The following RAPGEF2 variants were observed in gnomAD, a reference collection of about 807,000 sequenced individuals.
RAPGEF2 encodes the protein Rap guanine nucleotide exchange factor 2, also known as PDZ domain containing guanine nucleotide exchange factor (GEF) 1.
In RAPGEF2, 54 loss-of-function variants were observed where a neutral mutation model predicts 186.7. That is an observed-to-expected ratio of 0.29 (90% CI 0.23 to 0.36). The LOEUF (loss-of-function observed/expected upper bound fraction) is 0.36. Ranked by LOEUF, RAPGEF2 falls within the 10% of genes least tolerant of loss-of-function variation. The pLI, the probability that RAPGEF2 is intolerant of heterozygous loss-of-function variation, is 1.00. For missense variants in RAPGEF2, 1,532 were observed against 2,045.0 expected, an observed-to-expected ratio of 0.75 and a Z score of 4.84; for synonymous variants, 712 against 705.9, an observed-to-expected ratio of 1.01 and a Z score of -0.14.
intron 3 of RAPGEF2, among the ~76,000 whole-genome samples, chr4:159,199,129 T>TA (rs1472479673): frequency 1.3e-5 from 2 of 151,668 alleles, no homozygotes; most frequent in Non-Finnish European, 2.9e-5. Context: ...TTTAAAGACT[T>TA]AGCCTTTGCA....
chr4:159,169,781 G>C (rs913481990), intron 1 of RAPGEF2, among the ~76,000 whole-genome samples: 1 of 152,028 alleles, frequency 6.6e-6, no homozygotes, highest in African/African-American at 2.4e-5. Flanking sequence ...CTAATATTCT[G>C]TTATACCTAT....
At chr4:159,202,578 C>T (rs1438670634) in intron 3 of RAPGEF2, among the ~76,000 whole-genome samples, 1 of 152,102 alleles carries the variant, frequency 6.6e-6, no homozygotes, top group Non-Finnish European at 1.5e-5. Flanking sequence ...CTTTTCTCTC[C>T]TTGTCAGTCC....
intron 4 of RAPGEF2, among the ~76,000 whole-genome samples, chr4:159,216,575 C>G (rs1411241325): frequency 2.6e-5 from 4 of 151,780 alleles, no homozygotes; most frequent in African/African-American, 9.7e-5. Flanking sequence ...ATCAATTTAT[C>G]TAGAATGCAA....
At chr4:159,345,082 C>G (rs925605193) in intron 23 of RAPGEF2, 24 bp from the exon 24 acceptor site, 8 of 1,577,888 alleles carry the variant, frequency 5.1e-6, no homozygotes, top group African/African-American at 1.3e-5. Context: ...GAGTGAGCTG[C>G]ATATGTACCT....
intron 17 of RAPGEF2, chr4:159,333,003 G>A (rs954818809): frequency 6.2e-6 from 1 of 160,418 alleles, no homozygotes; most frequent in African/African-American, 2.4e-5. Flanking sequence ...TTTTGAGAAA[G>A]AGTCTCACTC....
intron 4 of RAPGEF2, among the ~76,000 whole-genome samples, chr4:159,219,314 A>G (rs1447389030): frequency 1.2e-5 from 1 of 85,100 alleles, no homozygotes; most frequent in Non-Finnish European, 2.7e-5. Flanking sequence ...TGTAAAACCT[A>G]ATCACTACAA....
At position 159,359,131 on chromosome 4, in the gene RAPGEF2, G is replaced by A. The variant is rs914059166; in HGVS notation, c.*992G>A. The A allele has an allele frequency of 7.0e-6, 1 of 143,130 alleles. No homozygotes were observed. Among genetic ancestry groups the A allele is most frequent in the Non-Finnish European group, 1.5e-5 (1 of 64,930 alleles). The allele number at this position is 143,130 out of a possible 1,614,324, so 8.9% of individuals were successfully genotyped here. On this transcript the variant is annotated 3_prime_UTR_variant, in exon 30 of 30. Coordinates refer to ENST00000691494, the MANE Select transcript of RAPGEF2 (RefSeq NM_001394067.2). ...TTCTTTGATTTTTGTTAATTTAGAG[G>A]TGTAGGTTTTGTTTTTTGTTTTTTT... is the stretch of plus-strand genomic sequence containing the variant.
Position 159,177,437 on chromosome 4 carries a change from C to T in RAPGEF2, c.70-9205C>T, listed in dbSNP as rs184593629. ...CTGAAACTATGTGTAATTTCAGCCACACAGCCTAGTTGCATAGATATTATT... is the reference window on the plus strand; with the variant it reads ...CTGAAACTATGTGTAATTTCAGCCATACAGCCTAGTTGCATAGATATTATT... On this transcript the variant is annotated intron_variant, in intron 1 of 29. Coordinates refer to ENST00000691494, the MANE Select transcript of RAPGEF2 (RefSeq NM_001394067.2). Among the ~76,000 whole-genome samples the T allele has an allele frequency of 2.2e-3, 332 of 152,310 alleles. 2 individuals carry two copies. Among genetic ancestry groups the T allele is most frequent in the African/African-American group, 7.4e-3 (308 of 41,568 alleles).
At chr4:159,112,270 T>G (rs2111065851) in intron 1 of RAPGEF2, among the ~76,000 whole-genome samples, 1 of 152,332 alleles carries the variant, frequency 6.6e-6, no homozygotes, top group Admixed American at 6.5e-5. Flanking sequence ...GAGAAAGTTC[T>G]GTGATAATGC....
intron 1 of RAPGEF2, among the ~76,000 whole-genome samples, chr4:159,117,746 C>T (rs138172636): frequency 6.6e-6 from 1 of 152,208 alleles, no homozygotes; most frequent in East Asian, 1.9e-4. Context: ...GTTACTTCAC[C>T]TTAGTTTCAG....
At chr4:159,263,362 C>T (rs990718843) in intron 7 of RAPGEF2, among the ~76,000 whole-genome samples, 6 of 152,118 alleles carry the variant, frequency 3.9e-5, no homozygotes, top group Non-Finnish European at 8.8e-5. Flanking sequence ...GTTTGATGTA[C>T]TCATATAGAA....
At chr4:159,345,431 G>A in intron 24 of RAPGEF2, 102 bp downstream of exon 24, 1 of 1,009,022 alleles carries the variant, frequency 9.9e-7, no homozygotes, top group East Asian at 2.4e-5. Context: ...GTGCAGAGGG[G>A]GAGCTAGCAA....
At chr4:159,319,943 A>G (rs1422643387) in intron 9 of RAPGEF2, among the ~76,000 whole-genome samples, 8 of 152,160 alleles carry the variant, frequency 5.3e-5, no homozygotes, top group Non-Finnish European at 1.2e-4. Context: ...TTATTCTCTG[A>G]TCATGTATGT....
At chr4:159,254,206 A>G (rs1042509077) in intron 7 of RAPGEF2, among the ~76,000 whole-genome samples, 1 of 152,224 alleles carries the variant, frequency 6.6e-6, no homozygotes, top group African/African-American at 2.4e-5. Context: ...TAAAGAATAC[A>G]AGGACAATAT....
At chr4:159,164,786 A>AT (rs1465154548) in intron 1 of RAPGEF2, among the ~76,000 whole-genome samples, 1 of 152,220 alleles carries the variant, frequency 6.6e-6, no homozygotes, top group Non-Finnish European at 1.5e-5. Context: ...CGCTACAAAA[A>AT]TAATAAATTT....
intron 24 of RAPGEF2, 43 bp from the exon 25 acceptor site, chr4:159,346,746 T>C (rs1357909885): frequency 6.6e-7 from 1 of 1,504,046 alleles, no homozygotes; most frequent in East Asian, 2.3e-5. Context: ...CCTACTAGCA[T>C]CTAAAATTCT....
At chr4:159,272,839 T>TA (rs1187246734) in intron 7 of RAPGEF2, among the ~76,000 whole-genome samples, 12 of 152,332 alleles carry the variant, frequency 7.9e-5, no homozygotes, top group Non-Finnish European at 1.8e-4. Context: ...GAATACCAGA[T>TA]AAATTAATGA....
At chr4:159,146,460 C>G (rs926725932) in intron 1 of RAPGEF2, among the ~76,000 whole-genome samples, 6 of 150,908 alleles carry the variant, frequency 4.0e-5, no homozygotes, top group Admixed American at 3.3e-4. Context: ...ACTCAGTTAA[C>G]TAGAGATAAA....
intron 4 of RAPGEF2, among the ~76,000 whole-genome samples, chr4:159,224,722 T>C (rs1751854351): frequency 6.6e-6 from 1 of 152,148 alleles, no homozygotes. Context: ...GGTAGAGCAA[T>C]AGAAGAAGAG....
Sources: allele counts gnomAD v4.1 joint callset (sites outside exome capture counted in the v4.1 genomes callset), GRCh38; gene constraint gnomAD v4.1.1; transcripts MANE v1.5; gene names NCBI Gene and HGNC (gene_info 2026-07-23, HGNC 2026-07-21).